The following DLGAP4 variants were observed in gnomAD, a reference collection of about 807,000 sequenced individuals.
DLGAP4 encodes disks large-associated protein 4.
Under a neutral mutation model 86.9 loss-of-function variants are expected in DLGAP4, and 18 were observed. That is an observed-to-expected ratio of 0.21 (90% confidence interval 0.14 to 0.31). The LOEUF is 0.31. Ranked by LOEUF, DLGAP4 falls within the 10% of genes least tolerant of loss-of-function variation. The pLI, the probability that DLGAP4 is intolerant of heterozygous loss-of-function variation, is 1.00. For missense variants in DLGAP4, 1,085 were observed against 1,362.6 expected (o/e 0.80, Z 3.21); for synonymous variants, 548 against 574.3 (o/e 0.95, Z 0.65).
At chr20:36,422,347 T>A (rs2032853984) in intron 2 of DLGAP4, among the ~76,000 whole-genome samples, 1 of 152,164 alleles carries the variant, frequency 6.6e-6, no homozygotes. Context: ...CCTCTGTTAA[T>A]GCAACCTTAG....
intron 7 of DLGAP4, among the ~76,000 whole-genome samples, chr20:36,481,563 A>C (rs529975007): frequency 5.9e-5 from 9 of 152,314 alleles, no homozygotes. Flanking sequence ...TGGCTGCCAC[A>C]GTGCCCAGTC....
intron 11 of DLGAP4, 73 bp downstream of exon 11, chr20:36,524,414 C>A: frequency 7.5e-7 from 1 of 1,338,076 alleles, no homozygotes; most frequent in East Asian, 2.3e-5. Context: ...GCCAGCCCCT[C>A]GAAGCCTCTG....
At chr20:36,493,778 C>T (rs2035768245) in intron 7 of DLGAP4, among the ~76,000 whole-genome samples, 1 of 152,222 alleles carries the variant, frequency 6.6e-6, no homozygotes, top group Admixed American at 6.5e-5. Flanking sequence ...AGTTGTATAA[C>T]CTTCCTGAGC....
At chr20:36,435,886 T>A (rs955218900) in intron 3 of DLGAP4, among the ~76,000 whole-genome samples, 2 of 152,148 alleles carry the variant, frequency 1.3e-5, no homozygotes, top group Non-Finnish European at 2.9e-5. Context: ...AAACCCAGCC[T>A]GGGATCCATG....
chr20:36,423,909 G>A (rs150956225), intron 2 of DLGAP4, among the ~76,000 whole-genome samples: 2,418 of 152,076 alleles, frequency 0.016, 28 homozygotes, highest in Non-Finnish European at 0.023. Flanking sequence ...GCAGTGAGCC[G>A]AGATCATGCC....
At chr20:36,422,262 T>C (rs2032852168) in intron 2 of DLGAP4, among the ~76,000 whole-genome samples, 1 of 152,136 alleles carries the variant, frequency 6.6e-6, no homozygotes, top group African/African-American at 2.4e-5. Flanking sequence ...CCATTCCACC[T>C]CACTTCATTT....
In DLGAP4 at chr20:36,438,703, C is replaced by CT. The variant is rs35909803; in HGVS notation, c.1242-1028dup. On this transcript the variant is annotated intron_variant, in intron 4 of 12. Transcript: ENST00000339266. The stretch of plus-strand genomic sequence containing the variant: ...CACCACGCCTGGTCAGTTTCCCCAT[C>CT]TTTTTTTTTTTTTTTTTTTTTTTGA... 8.5e-3 allele frequency among the ~76,000 whole-genome samples: 594 copies of CT among 69,522 alleles called. 7 individuals are homozygous for CT. The highest frequency in any genetic ancestry group is 0.021 in the African/African-American group (452 of 21,884). The allele number at this position is 69,522 out of a possible 152,430, so 45.6% of individuals were successfully genotyped here.
At chr20:36,407,887 G>C (rs2032371266) in intron 2 of DLGAP4, among the ~76,000 whole-genome samples, 1 of 152,058 alleles carries the variant, frequency 6.6e-6, no homozygotes, top group Admixed American at 6.5e-5. Flanking sequence ...AAGCAGGGCA[G>C]CCAGGGGAGG....
At chr20:36,482,103 A>G (rs2035212746) in intron 7 of DLGAP4, among the ~76,000 whole-genome samples, 1 of 152,156 alleles carries the variant, frequency 6.6e-6, no homozygotes. Context: ...TCAGTCCTGC[A>G]CTATTCGTCT....
chr20:36,520,040 C>G (rs1056439896), intron 10 of DLGAP4, among the ~76,000 whole-genome samples: 3 of 151,812 alleles, frequency 2.0e-5, no homozygotes, highest in African/African-American at 7.3e-5. Flanking sequence ...AAGTGGTACT[C>G]CACCTCGGCC....
intron 2 of DLGAP4, among the ~76,000 whole-genome samples, chr20:36,430,280 TATTCC>T (rs1257181218): frequency 3.3e-5 from 5 of 152,238 alleles, no homozygotes; most frequent in African/African-American, 1.2e-4. Flanking sequence ...CTGAGAGCTC[TATTCC>T]AGGCCATCTT....
chr20:36,380,591 TAAAGAGAGAGAGAGAGAGAGAG>T (rs2031339271), intron 2 of DLGAP4, among the ~76,000 whole-genome samples: 1 of 101,378 alleles, frequency 9.9e-6, no homozygotes, highest in Non-Finnish European at 2.0e-5. Flanking sequence ...CTGTCTGCAT[TAAAGAGAGAGAGAGAGAGAGAG>T]AGAGAGAGAG....
At chr20:36,435,654 T>C (rs2033253241) in intron 3 of DLGAP4, among the ~76,000 whole-genome samples, 1 of 152,228 alleles carries the variant, frequency 6.6e-6, no homozygotes, top group South Asian at 2.1e-4. Context: ...CATGCTGATG[T>C]GCCAGGGTCG....
chr20:36,470,097 G>A (rs909702599), intron 7 of DLGAP4, among the ~76,000 whole-genome samples: 4 of 151,956 alleles, frequency 2.6e-5, no homozygotes, highest in Non-Finnish European at 5.9e-5. Context: ...ACTAAATCTC[G>A]GAGGAAAGGG....
At chr20:36,477,310 G>A (rs1377078501) in intron 7 of DLGAP4, among the ~76,000 whole-genome samples, 2 of 148,138 alleles carry the variant, frequency 1.4e-5, no homozygotes, top group Admixed American at 6.7e-5. Context: ...GGCCAGGCTG[G>A]TTTTGAACTC....
At chr20:36,485,556 G>A (rs1440475778) in intron 7 of DLGAP4, among the ~76,000 whole-genome samples, 2 of 152,120 alleles carry the variant, frequency 1.3e-5, no homozygotes, top group African/African-American at 4.8e-5. Flanking sequence ...TGGAAACTAA[G>A]GCCCAGAAGG....
rs552362179 is a variant in DLGAP4 at position 36,372,684 on chromosome 20, A to G, written c.-73+5409A>G. ...CATAAATAATCCGGCAACTGCAAAC[A>G]TATGCATTTTGCAAGTAAGTTCACT... is the stretch of plus-strand genomic sequence containing the variant. On this transcript the variant is annotated intron_variant, in intron 2 of 12. Transcript: ENST00000339266. Among the ~76,000 whole-genome samples the G allele has an allele frequency of 2.0e-5, 3 of 152,334 alleles. No individual in the cohort carries two copies. The South Asian group carries it at 6.2e-4, about 32-fold the overall frequency.
intron 2 of DLGAP4, among the ~76,000 whole-genome samples, chr20:36,408,971 A>G (rs2032404462): frequency 6.6e-6 from 1 of 151,906 alleles, no homozygotes; most frequent in South Asian, 2.1e-4. Context: ...GGTGAGGGTT[A>G]TACAAGAAGT....
intron 1 of DLGAP4, among the ~76,000 whole-genome samples, chr20:36,339,187 A>G (rs1431379986): frequency 6.6e-6 from 1 of 150,902 alleles, no homozygotes; most frequent in Non-Finnish European, 1.5e-5. Flanking sequence ...TCCTGGGTTC[A>G]AGCCATTCTC....
Sources: gnomAD v4.1 joint callset for allele counts (sites outside exome capture counted in the v4.1 genomes callset) on GRCh38, gnomAD v4.1.1 for gene constraint, MANE v1.5 for transcripts, NCBI Gene and HGNC (gene_info 2026-07-23, HGNC 2026-07-21) for gene names.